Variants in UNC5A observed in about 807,000 individuals in gnomAD.
UNC5A encodes the protein unc-5 netrin receptor A.
UNC5A carries 20 observed loss-of-function variants against 87.4 expected under a neutral mutation model. That is an observed-to-expected ratio of 0.23 (90% CI 0.16 to 0.33). The LOEUF is 0.33. Ranked by LOEUF, UNC5A falls within the 10% of genes least tolerant of loss-of-function variation. UNC5A has a pLI of 1.00. For synonymous variants in UNC5A, 438 were observed against 482.3 expected (o/e 0.91, Z 1.20); for missense variants, 844 against 1,133.4 (o/e 0.74, Z 3.67).
At chr5:176,843,289 G>T (rs1408957414) in intron 1 of UNC5A, among the ~76,000 whole-genome samples, 5 of 152,276 alleles carry the variant, frequency 3.3e-5, no homozygotes, top group Admixed American at 2.6e-4. Flanking sequence ...CCCAGCAGGG[G>T]AAGGACGCTG....
rs554239167 is a variant in UNC5A, at chr5:176,830,219, G to A, written c.70+19399G>A. On this transcript the variant is annotated intron_variant, in intron 1 of 14. Transcript: ENST00000329542. ...CGCCAGGTCTCAGCTGTTGCCAGTC[G>A]TCTTGGCTGGGGACCCTCTACTCCC... is the stretch of plus-strand genomic sequence containing the variant. Among the ~76,000 whole-genome samples, 21 of 152,282 alleles carry A rather than the reference G, an allele frequency of 1.4e-4. No homozygotes were observed. The South Asian group carries it at 3.7e-3, about 27-fold the overall frequency.
rs938593968 is a variant in UNC5A, at chr5:176,877,258, T to C, written c.1445T>C (p.Leu482Pro). Residue 482 changes from leucine (L) to proline (P), a missense_variant, in exon 9 of 15, where the codon CTG (leucine) becomes CCG (proline). By Grantham distance (98) the Leu-to-Pro change is moderately conservative (BLOSUM62 -3). This residue lies in a region of UNC5A where 353 missense variants were observed against 387.5 expected (regional missense o/e 0.91). Transcript: ENST00000329542. ...RGKIYEIYLT[L>P]HKPEDVRLPL... The stretch of plus-strand genomic sequence containing the variant: ...AAGATCTATGAGATCTACCTCACGC[T>C]GCACAAGCCGGAAGACGTGAGGTGT... 6.2e-6 allele frequency: 10 copies of C among 1,612,388 alleles called. 1 individual carries two copies. The Admixed American group carries it at 6.7e-5, about 11-fold the overall frequency.
chr5:176,818,590 G>A (rs955409828), intron 1 of UNC5A, among the ~76,000 whole-genome samples: 1 of 152,212 alleles, frequency 6.6e-6, no homozygotes, highest in Non-Finnish European at 1.5e-5. Flanking sequence ...ATCAGGGGAG[G>A]TCACACCGCA....
rs1403340015 is a variant in UNC5A, at chr5:176,810,640, T to TGGCATGGGCCCCGGGGGC, written c.-109_-92dup. On this transcript the variant is annotated 5_prime_UTR_variant, in exon 1 of 15. The change creates a new upstream start codon in the 5' untranslated region. Coordinates refer to ENST00000329542, the MANE Select transcript of UNC5A (RefSeq NM_133369.3). This position sits in a 1 kb window ranked among gnomAD's most constrained non-coding sequence, Gnocchi z 7.3. ...GCCGCCCGGAGGCAGCGCAGTCCGC[T>TGGCATGGGCCCCGGGGGC]GGCATGGGCCCCGGGGGCGCCCCGA... is the stretch of plus-strand genomic sequence containing the variant. The TGGCATGGGCCCCGGGGGC allele has an allele frequency of 5.8e-5, 15 of 259,180 alleles. No homozygotes were observed. Among genetic ancestry groups the TGGCATGGGCCCCGGGGGC allele is most frequent in the Non-Finnish European group, 8.3e-5 (14 of 168,210 alleles). 16.1% of individuals were successfully genotyped at this position (259,180 alleles called of 1,614,324 possible).
chr5:176,851,254 C>A (rs1757534857), intron 1 of UNC5A, among the ~76,000 whole-genome samples: 1 of 152,236 alleles, frequency 6.6e-6, no homozygotes, highest in South Asian at 2.1e-4. Context: ...AAATAACATC[C>A]TGTCAAGTTC....
At chr5:176,842,751 G>A (rs999648010) in intron 1 of UNC5A, among the ~76,000 whole-genome samples, 1 of 152,212 alleles carries the variant, frequency 6.6e-6, no homozygotes, top group Admixed American at 6.5e-5. Context: ...ATAGGGTATA[G>A]TGTATACTGC....
chr5:176,869,933 G>A lies in UNC5A; in HGVS notation c.722-437G>A, dbSNP rs1466405038. Among the ~76,000 whole-genome samples, 1 of 152,208 alleles carries A rather than the reference G, an allele frequency of 6.6e-6. No homozygotes were observed. Among genetic ancestry groups the A allele is most frequent in the Non-Finnish European group, 1.5e-5 (1 of 68,036 alleles). The stretch of plus-strand genomic sequence containing the variant: ...AGTCTGAGGCGGGGATCGGGGTGCG[G>A]TGTATGGTTGGAGTCAGGGCTCGAT... On this transcript the variant is annotated intron_variant, in intron 5 of 14. Coordinates refer to ENST00000329542, the MANE Select transcript of UNC5A (RefSeq NM_133369.3). This position sits in a 1 kb window ranked among gnomAD's most constrained non-coding sequence, Gnocchi z 9.1.
At chr5:176,835,055 A>G (rs1368554247) in intron 1 of UNC5A, among the ~76,000 whole-genome samples, 3 of 152,116 alleles carry the variant, frequency 2.0e-5, no homozygotes, top group Non-Finnish European at 2.9e-5. Flanking sequence ...GCATTCAGAA[A>G]CTCCTGGCAC....
chr5:176,879,542 G>A (rs1001868740), intron 14 of UNC5A, 54 bp downstream of exon 14: 33 of 1,555,172 alleles, frequency 2.1e-5, no homozygotes, highest in African/African-American at 2.7e-5. Context: ...AGTCCTGCCC[G>A]GCGGCGGGGT....
At chr5:176,835,015 T>G (rs1387723313) in intron 1 of UNC5A, among the ~76,000 whole-genome samples, 4 of 152,234 alleles carry the variant, frequency 2.6e-5, no homozygotes, top group African/African-American at 9.6e-5. Flanking sequence ...GGGAGACACA[T>G]GCCTGAGTGC....
At chr5:176,831,100 G>A (rs1033347594) in intron 1 of UNC5A, among the ~76,000 whole-genome samples, 3 of 151,708 alleles carry the variant, frequency 2.0e-5, no homozygotes, top group African/African-American at 7.3e-5. Flanking sequence ...TCCGTGCCTC[G>A]GGTCAAACCC....
At chr5:176,864,607 G>A (rs759498181) in intron 2 of UNC5A, among the ~76,000 whole-genome samples, 9 of 152,168 alleles carry the variant, frequency 5.9e-5, no homozygotes, top group Non-Finnish European at 1.2e-4. Context: ...AGCCCTTCTC[G>A]TCTGCAGCAG....
intron 1 of UNC5A, among the ~76,000 whole-genome samples, chr5:176,811,596 T>C (rs1284649346): frequency 1.4e-4 from 9 of 62,592 alleles, no homozygotes; most frequent in Non-Finnish European, 3.2e-4. Flanking sequence ...GCCCACCTCA[T>C]TCCCTTGGGA....
intron 1 of UNC5A, among the ~76,000 whole-genome samples, chr5:176,846,951 A>G (rs2940539): frequency 0.075 from 11,398 of 152,152 alleles, 608 homozygotes; most frequent in African/African-American, 0.14. Flanking sequence ...TGGGAGCAGG[A>G]TGGACGCAGA....
chr5:176,836,441 G>A (rs1041630935), intron 1 of UNC5A, among the ~76,000 whole-genome samples: 7 of 152,150 alleles, frequency 4.6e-5, no homozygotes, highest in Non-Finnish European at 1.0e-4. Flanking sequence ...TGGAAGTAGC[G>A]ATCCCTGGGG....
intron 1 of UNC5A, among the ~76,000 whole-genome samples, chr5:176,815,783 C>T (rs1286819024): frequency 2.0e-5 from 3 of 152,224 alleles, no homozygotes; most frequent in Non-Finnish European, 4.4e-5. Flanking sequence ...CAGGCAGGGG[C>T]CCCTTCTGGT....
At position 176,870,337 on chromosome 5, in the gene UNC5A, G is replaced by A. The variant is rs200071473; in HGVS notation, c.722-33G>A. On this transcript the variant is annotated intron_variant, in intron 5 of 14. Transcript: ENST00000329542. The stretch of plus-strand genomic sequence containing the variant: ...GCCGGGGTGGGCTCCCAGGCTGACC[G>A]CACCGTCTCCTCTCTGCTTGTCTCT... The A allele has an allele frequency of 1.5e-4, 245 of 1,605,472 alleles. 1 individual carries two copies. In the East Asian group the frequency reaches 5.3e-3, roughly 34 times the overall value.
chr5:176,812,204 C>T (rs572981807), intron 1 of UNC5A, among the ~76,000 whole-genome samples: 4 of 152,134 alleles, frequency 2.6e-5, no homozygotes, highest in African/African-American at 7.2e-5. Flanking sequence ...GTGTTAGGGG[C>T]GTGTGTGCAG....
At chr5:176,858,768 A>AAGGAAGGAAGGAAGGAAGGCAGGC (rs765510036) in intron 1 of UNC5A, among the ~76,000 whole-genome samples, 3 of 135,786 alleles carry the variant, frequency 2.2e-5, no homozygotes, top group Non-Finnish European at 4.6e-5. Context: ...GGAAGGAAGG[A>AAGGAAGGAAGGAAGGAAGGCAGGC]AGGAAGGCAA....
Sources: gnomAD v4.1 joint callset for allele counts (sites outside exome capture counted in the v4.1 genomes callset) on GRCh38, gnomAD v4.1.1 for gene constraint, gnomAD v4.1.1 regional missense constraint, Gnocchi (gnomAD v3.1) non-coding constraint, MANE v1.5 for transcripts, NCBI Gene and HGNC (gene_info 2026-07-23, HGNC 2026-07-21) for gene names.